Variants in ANO6 observed in about 807,000 individuals in gnomAD.
ANO6 encodes anoctamin-6.
Under a neutral mutation model 117.5 loss-of-function variants are expected in ANO6, and 106 were observed. The observed-to-expected ratio is 0.90, with a 90% confidence interval of 0.77 to 1.06. The LOEUF (loss-of-function observed/expected upper bound fraction) is 1.06. ANO6 is among the 50% of genes least tolerant of loss of function. ANO6 has a pLI of 0.00. For synonymous variants in ANO6, 367 were observed against 385.1 expected (o/e 0.95, Z 0.55); for missense variants, 955 against 1,121.1 (o/e 0.85, Z 2.12).
rs1312887447 is a variant in ANO6, at chr12:45,251,602, A to G, written c.70+35211A>G. Among the ~76,000 whole-genome samples the G allele has an allele frequency of 2.0e-5, 3 of 152,198 alleles. No individual in the cohort carries two copies. In the East Asian group the frequency reaches 5.8e-4, roughly 29 times the overall value. Reference sequence around the variant, plus strand: ...GGCCCAGAGACTAATGTTCCAGTGAAGAAGACAGAAGATGCATGGTCTTCA... The same window carrying G: ...GGCCCAGAGACTAATGTTCCAGTGAGGAAGACAGAAGATGCATGGTCTTCA... On this transcript the variant is annotated intron_variant, in intron 1 of 19. Transcript: ENST00000320560.
chr12:45,290,187 T>A, intron 1 of ANO6, among the ~76,000 whole-genome samples: 1 of 152,118 alleles, frequency 6.6e-6, no homozygotes, highest in Non-Finnish European at 1.5e-5. Flanking sequence ...TTTTTTTTAA[T>A]TCTGAAAAAT....
intron 17 of ANO6, 136 bp from the exon 18 acceptor site, chr12:45,420,935 G>T: frequency 1.1e-6 from 1 of 907,616 alleles, no homozygotes; most frequent in South Asian, 1.4e-5. Flanking sequence ...TGAGGCAGGA[G>T]AATTTTTTGA....
intron 1 of ANO6, among the ~76,000 whole-genome samples, chr12:45,269,809 C>T (rs1372227533): frequency 6.6e-6 from 1 of 152,140 alleles, no homozygotes; most frequent in Non-Finnish European, 1.5e-5. Flanking sequence ...CCTTCGGTGG[C>T]CTTTGGCATT....
chr12:45,223,620 CT>C (rs144955373), intron 1 of ANO6, among the ~76,000 whole-genome samples: 3,529 of 152,160 alleles, frequency 0.023, 58 homozygotes, highest in Non-Finnish European at 0.035. Flanking sequence ...TGTATTTTGT[CT>C]TTGTTATTCA....
chr12:45,331,403 G>T lies in ANO6; in HGVS notation c.259G>T (p.Gly87Cys). 6.2e-7 allele frequency: 1 copy of T among 1,604,004 alleles called. No homozygotes were observed. Among genetic ancestry groups the T allele is most frequent in the East Asian group, 2.2e-5 (1 of 44,572 alleles). The part of the protein sequence containing the change: ...DESRKETNKK[G>C]TNEKQRRKRQ... ...AAGCAGAAAAGAGACCAATAAAAAG[G>T]GTACAAATGAAAAACAAAGGGTAAG... The change falls in exon 3 of 20, where the codon GGT (glycine) becomes TGT (cysteine). Residue 87 changes from glycine (G) to cysteine (C), a missense_variant. Coordinates refer to ENST00000320560, the MANE Select transcript of ANO6 (RefSeq NM_001025356.3).
intron 10 of ANO6, 151 bp downstream of exon 10, chr12:45,378,264 A>T: frequency 1.4e-6 from 1 of 740,592 alleles, no homozygotes; most frequent in Non-Finnish European, 2.2e-6. Context: ...TTTATCAGTT[A>T]ACTTTTACTA....
intron 1 of ANO6, among the ~76,000 whole-genome samples, chr12:45,291,761 C>A (rs2137278817): frequency 6.6e-6 from 1 of 152,128 alleles, no homozygotes; most frequent in South Asian, 2.1e-4. Flanking sequence ...TACCACTTTA[C>A]ACCTACCGGG....
chr12:45,258,403 C>A (rs1464512744), intron 1 of ANO6, among the ~76,000 whole-genome samples: 1 of 152,072 alleles, frequency 6.6e-6, no homozygotes, highest in East Asian at 1.9e-4. Context: ...TGCCTTTTCT[C>A]CATTTTTTTA....
Position 45,438,248 on chromosome 12 carries a change from T to C in ANO6, c.2527-1427T>C, listed in dbSNP as rs1026872350. ...CTGCCACATTCAGCACATATTTGCG[T>C]GTATGTGTGTGTGTGTGTGTGTGTG... On this transcript the variant is annotated intron_variant, in intron 19 of 19. Transcript: ENST00000425752. Among the ~76,000 whole-genome samples, 57 of 113,502 alleles carry C rather than the reference T, an allele frequency of 5.0e-4. 1 individual carries two copies. The highest frequency in any genetic ancestry group is 1.7e-3 in the African/African-American group (56 of 32,300). The allele number at this position is 113,502 out of a possible 152,430, so 74.5% of individuals were successfully genotyped here.
intron 12 of ANO6, among the ~76,000 whole-genome samples, 168 bp downstream of exon 12, chr12:45,390,666 A>G (rs1942424928): frequency 3.9e-5 from 6 of 152,242 alleles, no homozygotes; most frequent in Admixed American, 3.9e-4. Context: ...TAGCCACCAC[A>G]TAGAGCAACT....
intron 2 of ANO6, among the ~76,000 whole-genome samples, chr12:45,314,504 T>C (rs1373717995): frequency 6.6e-6 from 1 of 150,616 alleles, no homozygotes; most frequent in South Asian, 2.1e-4. Flanking sequence ...TATATACATA[T>C]ATACACATAT....
intron 1 of ANO6, among the ~76,000 whole-genome samples, chr12:45,295,402 C>A (rs948106325): frequency 6.6e-6 from 1 of 152,114 alleles, no homozygotes; most frequent in African/African-American, 2.4e-5. Flanking sequence ...TTATGACTAC[C>A]AGAGAATGAT....
At chr12:45,236,697 A>G (rs534883934) in intron 1 of ANO6, among the ~76,000 whole-genome samples, 2 of 152,318 alleles carry the variant, frequency 1.3e-5, no homozygotes, top group Admixed American at 6.5e-5. Context: ...ATACGTGTGC[A>G]TGTGTCTTCA....
At chr12:45,303,950 C>A (rs1400847598) in intron 2 of ANO6, among the ~76,000 whole-genome samples, 1 of 152,162 alleles carries the variant, frequency 6.6e-6, no homozygotes, top group Non-Finnish European at 1.5e-5. Context: ...ATCACAATAT[C>A]CCTGTATGTG....
intron 1 of ANO6, among the ~76,000 whole-genome samples, chr12:45,293,388 A>G (rs1423848320): frequency 3.3e-5 from 5 of 152,104 alleles, no homozygotes; most frequent in Non-Finnish European, 5.9e-5. Context: ...ATCAACACCT[A>G]TCTTTTCCCC....
chr12:45,323,918 T>TG (rs1565690635), intron 2 of ANO6, among the ~76,000 whole-genome samples: 1 of 149,790 alleles, frequency 6.7e-6, no homozygotes, highest in African/African-American at 2.5e-5. Flanking sequence ...ACTGTTTTTT[T>TG]TTGTTGTTGT....
intron 18 of ANO6, among the ~76,000 whole-genome samples, chr12:45,421,552 C>T (rs772873181): frequency 6.6e-6 from 1 of 152,054 alleles, no homozygotes; most frequent in Non-Finnish European, 1.5e-5. Context: ...ACTTTCAGAC[C>T]AAACCATAAA....
chr12:45,231,288 T>C (rs1221183629), intron 1 of ANO6, among the ~76,000 whole-genome samples: 2 of 152,208 alleles, frequency 1.3e-5, no homozygotes, highest in Non-Finnish European at 2.9e-5. Context: ...TTTACTGATA[T>C]AAAAAATGAA....
chr12:45,237,669 C>T (rs1020056140), intron 1 of ANO6, among the ~76,000 whole-genome samples: 3 of 152,140 alleles, frequency 2.0e-5, no homozygotes, highest in African/African-American at 7.2e-5. Context: ...ATGCCTCCAG[C>T]TTTGTTCTTT....
Sources: allele counts gnomAD v4.1 joint callset (sites outside exome capture counted in the v4.1 genomes callset), GRCh38; gene constraint gnomAD v4.1.1; transcripts MANE v1.5; gene names NCBI Gene and HGNC (gene_info 2026-07-23, HGNC 2026-07-21).